Variants in AKAP9 observed in about 807,000 individuals in gnomAD.
AKAP9 encodes A-kinase anchoring protein 9, also known as A-kinase anchor protein 9.
AKAP9 carries 311 observed loss-of-function variants against 488.5 expected under a neutral mutation model. That is an observed-to-expected ratio of 0.64 (90% CI 0.58 to 0.70). AKAP9 has a LOEUF of 0.70. Ranked by LOEUF, AKAP9 falls within the 30% of genes least tolerant of loss-of-function variation. The pLI is 0.00. For missense variants in AKAP9, 4,215 were observed against 4,374.5 expected (o/e 0.96, Z 1.03); for synonymous variants, 1,462 against 1,483.5 (o/e 0.99, Z 0.33).
In AKAP9 at chr7:92,003,020, G is replaced by C; in HGVS notation, c.3103G>C (p.Val1035Leu). 6.2e-7 allele frequency: 1 copy of C among 1,613,458 alleles called. No individual in the cohort carries two copies. The highest frequency in any genetic ancestry group is 8.5e-7 in the Non-Finnish European group (1 of 1,179,596). The change falls in exon 8 of 50, where the codon GTT becomes CTT. Residue 1035 changes from valine (V) to leucine (L), a missense_variant. By Grantham distance (32) the Val-to-Leu change is conservative (BLOSUM62 1). This residue lies in a region of AKAP9 where 2,361 missense variants were observed against 2,430.0 expected (regional missense o/e 0.97). Coordinates refer to ENST00000356239, the MANE Select transcript of AKAP9 (RefSeq NM_005751.5). ...GACAAGCAGGGGTGCTGAAGGATCA[G>C]TTTCTAAAGTAAATAAAAGTTTTGG... ...TMTSRGAEGS[V>L]SKVNKSFGEE...
rs1465193096 is a variant in AKAP9 at position 92,085,517 on chromosome 7, A to G, written c.8855A>G (p.Asn2952Ser). 3.1e-6 allele frequency: 5 copies of G among 1,613,962 alleles called. No individual in the cohort carries two copies. The highest frequency in any genetic ancestry group is 4.2e-6 in the Non-Finnish European group (5 of 1,179,996). The change falls in exon 36 of 50, where the codon AAT (asparagine) becomes AGT (serine). Residue 2952 changes from asparagine to serine, a missense_variant. Transcript: ENST00000356239. The stretch of plus-strand genomic sequence containing the variant: ...CAGGGATTACTGAGAGCTGTCCATA[A>G]TGAAGGCATGCAGGTGCTTTCTCTC... ...KIKGLLRAVHNEGMQVLSLTE... is the reference protein window; with the variant it reads ...KIKGLLRAVHSEGMQVLSLTE...
rs779280501 is a variant in AKAP9 at position 92,079,354 on chromosome 7, A to G, written c.7221A>G (p.Glu2407=). ...ALEQQVETAN[E]EMTFMKNVLK... ...AACAGCAAGTAGAAACCGCTAATGA[A>G]GAAATGACCTTCATGAAAAATGTAC... Residue 2407 remains glutamate (E), a synonymous_variant, in exon 31 of 50, where the codon GAA becomes GAG. Transcript: ENST00000356239. 5.0e-5 allele frequency: 81 copies of G among 1,613,960 alleles called. No individual in the cohort carries two copies. The Admixed American group carries it at 1.3e-3, about 27-fold the overall frequency.
intron 7 of AKAP9, among the ~76,000 whole-genome samples, chr7:91,999,619 C>A (rs991161563): frequency 6.6e-6 from 1 of 152,146 alleles, no homozygotes; most frequent in Non-Finnish European, 1.5e-5. Context: ...ATCAGATGTT[C>A]AGGGGCATTA....
chr7:92,108,346 T>A (rs1378941081), intron 48 of AKAP9, 148 bp from the exon 49 acceptor site: 1 of 764,904 alleles, frequency 1.3e-6, no homozygotes, highest in Non-Finnish European at 2.3e-6. Context: ...CTCTTTCTCA[T>A]CCCAAGCTCC....
chr7:92,096,648 A>G (rs1816632808), intron 40 of AKAP9, 41 bp from the exon 41 acceptor site: 2 of 1,610,862 alleles, frequency 1.2e-6, no homozygotes, highest in Non-Finnish European at 1.7e-6. Flanking sequence ...AGTATTTTTA[A>G]TAATATTAAC....
intron 2 of AKAP9, among the ~76,000 whole-genome samples, chr7:91,979,950 T>A (rs115652237): frequency 5.1e-4 from 77 of 152,308 alleles, no homozygotes; most frequent in African/African-American, 1.8e-3. Context: ...GAAGCAATAC[T>A]GTGGATAAAG....
At chr7:91,986,251 A>G (rs996597151) in intron 3 of AKAP9, among the ~76,000 whole-genome samples, 2 of 152,162 alleles carry the variant, frequency 1.3e-5, no homozygotes, top group African/African-American at 2.4e-5. Flanking sequence ...AGACCATTGG[A>G]AAAGCGCAGT....
At chr7:92,100,077 G>A (rs1563146237) in intron 44 of AKAP9, 7 of 493,800 alleles carry the variant, frequency 1.4e-5, no homozygotes, top group Non-Finnish European at 2.2e-5. Context: ...CTCTGTACTC[G>A]ACTCTGGGTT....
chr7:92,104,379 G>T (rs1197898502), intron 46 of AKAP9, among the ~76,000 whole-genome samples: 1 of 151,866 alleles, frequency 6.6e-6, no homozygotes, highest in Admixed American at 6.6e-5. Context: ...TTTTAGTAGA[G>T]ACTGGGTTTC....
chr7:92,083,146 A>T (rs1308279807), intron 32 of AKAP9, 24 bp from the exon 33 acceptor site: 1 of 1,611,618 alleles, frequency 6.2e-7, no homozygotes, highest in Admixed American at 1.7e-5. Context: ...TGAATGCCCT[A>T]CTGTTCTATT....
At chr7:91,992,775 G>A in intron 4 of AKAP9, 110 bp from the exon 5 acceptor site, 1 of 1,003,504 alleles carries the variant, frequency 1.0e-6, no homozygotes, top group Non-Finnish European at 1.5e-6. Context: ...AATCTTCCAG[G>A]TGGTGAGTGA....
In AKAP9 at chr7:92,012,498, C is replaced by T; in HGVS notation, c.3388C>T (p.Gln1130Ter). The T allele has an allele frequency of 6.2e-7, 1 of 1,614,014 alleles. No homozygotes were observed. The highest frequency in any genetic ancestry group is 8.5e-7 in the Non-Finnish European group (1 of 1,179,962). Residue 1130 changes from glutamine to a stop codon, truncating the protein, a stop_gained, in exon 9 of 50, where the codon CAG becomes TAG. Coordinates refer to ENST00000356239, the MANE Select transcript of AKAP9 (RefSeq NM_005751.5). LOFTEE classifies it high-confidence loss of function. ...TCTGGTTTATTCAACTCATGTGGAT[C>T]AGGTTCGTGAATATATGGAAAATGA... is the stretch of plus-strand genomic sequence containing the variant. ...LSLVYSTHVDQVREYMENEKD... is the reference protein window; with the variant it reads ...LSLVYSTHVD
chr7:92,041,994 C>G lies in AKAP9; in HGVS notation c.4918-52C>G, dbSNP rs1430395818. The G allele has an allele frequency of 3.1e-6, 5 of 1,594,912 alleles. No individual in the cohort carries two copies. In the African/African-American group the frequency reaches 6.7e-5, roughly 21 times the overall value. On this transcript the variant is annotated intron_variant, in intron 18 of 49. Transcript: ENST00000356239. ...AAAGAAATCTGCTTAATATTTCTAC[C>G]CTTTTTCTCTATCACAAACAGTATT...
Position 91,941,094 on chromosome 7 carries a change from G to C in AKAP9, c.-6G>C. 1 of 1,613,908 alleles carries C rather than the reference G, an allele frequency of 6.2e-7. No individual in the cohort carries two copies. The highest frequency in any genetic ancestry group is 1.1e-5 in the South Asian group (1 of 91,076). ...CCTGTTTTCCCCTGCCTTCCTTGCA[G>C]AGGCCATGGAGGACGAGGAGAGACA... On this transcript the variant is annotated 5_prime_UTR_variant, in exon 1 of 50. Transcript: ENST00000356239.
chr7:92,105,334 T>A (rs1177013572), intron 46 of AKAP9, among the ~76,000 whole-genome samples: 1 of 152,150 alleles, frequency 6.6e-6, no homozygotes, highest in African/African-American at 2.4e-5. Flanking sequence ...TCTCTGTTCT[T>A]TTCTCTTTTC....
chr7:91,981,261 G>C (rs965177663), intron 3 of AKAP9, among the ~76,000 whole-genome samples: 4 of 152,104 alleles, frequency 2.6e-5, no homozygotes, highest in African/African-American at 9.7e-5. Flanking sequence ...CATACAGTTG[G>C]CCCTCCATAT....
In AKAP9 at chr7:92,097,710, G is replaced by A. The variant is rs750007670; in HGVS notation, c.10523G>A (p.Cys3508Tyr). ...LIEMNGGGTG[C>Y]NHELEMIRQK... is the part of the protein sequence containing the mutation. ...GAAATGAATGGAGGAGGAACCGGCT[G>A]TAATCATGAATTAGAAATGATCAGA... The change falls in exon 42 of 50, where the codon TGT (cysteine) becomes TAT (tyrosine). Residue 3508 changes from cysteine (C) to tyrosine (Y), a missense_variant. By Grantham distance (194) the Cys-to-Tyr change is radical (BLOSUM62 -2). This residue lies in a region of AKAP9 where 1,476 missense variants were observed against 1,477.4 expected (regional missense o/e 1.00). Transcript: ENST00000356239. 3.1e-6 allele frequency: 5 copies of A among 1,614,052 alleles called. No individual in the cohort carries two copies. The highest frequency in any genetic ancestry group is 1.1e-5 in the South Asian group (1 of 91,090).
At chr7:91,949,830 T>G (rs997721807) in intron 1 of AKAP9, among the ~76,000 whole-genome samples, 6 of 152,200 alleles carry the variant, frequency 3.9e-5, no homozygotes, top group African/African-American at 1.4e-4. Flanking sequence ...TCCTTTTTCC[T>G]CCTTGTTCAC....
intron 14 of AKAP9, among the ~76,000 whole-genome samples, chr7:92,028,440 G>A (rs539864434): frequency 7.9e-5 from 12 of 151,984 alleles, no homozygotes; most frequent in African/African-American, 2.4e-4. Context: ...TAAAGCCAAG[G>A]ATCAGAGCAG....
Sources: allele counts gnomAD v4.1 joint callset (sites outside exome capture counted in the v4.1 genomes callset), GRCh38; gene constraint gnomAD v4.1.1; regional missense constraint gnomAD v4.1.1; transcripts MANE v1.5; gene names NCBI Gene and HGNC (gene_info 2026-07-23, HGNC 2026-07-21).